The following ARHGAP28 variants were observed in gnomAD, a reference collection of about 807,000 sequenced individuals.
ARHGAP28 encodes rho GTPase-activating protein 28.
In ARHGAP28, 56 loss-of-function variants were observed where a neutral mutation model predicts 90.7. That is an observed-to-expected ratio of 0.62 (90% CI 0.50 to 0.77). The LOEUF (loss-of-function observed/expected upper bound fraction) is 0.77. Ranked by LOEUF, ARHGAP28 falls within the 30% of genes least tolerant of loss-of-function variation. The pLI is 0.00. For synonymous variants in ARHGAP28, 308 were observed against 323.3 expected (o/e 0.95, Z 0.51); for missense variants, 869 against 900.9 (o/e 0.96, Z 0.45).
At chr18:6,835,030 G>C (rs1232867545) in intron 2 of ARHGAP28, among the ~76,000 whole-genome samples, 2 of 152,180 alleles carry the variant, frequency 1.3e-5, no homozygotes, top group Non-Finnish European at 2.9e-5. Flanking sequence ...TCTCTGTGTT[G>C]AAGTTATGTA....
rs575893319 is a variant in ARHGAP28, at chr18:6,905,885, T to G, written c.2031-3075T>G. 1.1e-4 allele frequency among the ~76,000 whole-genome samples: 16 copies of G among 152,120 alleles called. 1 individual carries two copies. The South Asian group carries it at 3.3e-3, about 32-fold the overall frequency. Reference sequence around the variant, plus strand: ...AATTACAAAATGCTGGTGAAAGAAATTAAAGAAGACCTAAAGAAATGGAGA... The same window carrying G: ...AATTACAAAATGCTGGTGAAAGAAAGTAAAGAAGACCTAAAGAAATGGAGA... On this transcript the variant is annotated intron_variant, in intron 16 of 17. Coordinates refer to ENST00000383472, the MANE Select transcript of ARHGAP28 (RefSeq NM_001366230.1).
At chr18:6,868,061 G>T (rs2057051524) in intron 5 of ARHGAP28, 89 bp from the exon 6 acceptor site, 7 of 1,061,590 alleles carry the variant, frequency 6.6e-6, no homozygotes, top group Non-Finnish European at 1.0e-5. Context: ...AATAACTCTT[G>T]TATACTGCAG....
chr18:6,790,837 G>A (rs2056401442), intron 1 of ARHGAP28: 1 of 152,180 alleles, frequency 6.6e-6, no homozygotes, highest in Non-Finnish European at 1.5e-5. Context: ...AGACAGTGTT[G>A]TCACGGAAGC....
chr18:6,881,101 A>G (rs910544760), intron 10 of ARHGAP28, among the ~76,000 whole-genome samples: 2 of 152,202 alleles, frequency 1.3e-5, no homozygotes, highest in South Asian at 2.1e-4. Context: ...GTATCTCTGC[A>G]AGAAACTTGT....
At chr18:6,742,142 G>T (rs887965619) in intron 1 of ARHGAP28, among the ~76,000 whole-genome samples, 1 of 150,980 alleles carries the variant, frequency 6.6e-6, no homozygotes, top group Non-Finnish European at 1.5e-5. Context: ...CACATGACTT[G>T]GTTTTCTTTT....
At chr18:6,906,867 A>G (rs887184311) in intron 16 of ARHGAP28, among the ~76,000 whole-genome samples, 16 of 152,224 alleles carry the variant, frequency 1.1e-4, no homozygotes, top group African/African-American at 3.9e-4. Context: ...AAATATTTGC[A>G]AAACCACATA....
At chr18:6,760,190 G>GAAAACATT (rs1490642505) in intron 1 of ARHGAP28, among the ~76,000 whole-genome samples, 1 of 152,106 alleles carries the variant, frequency 6.6e-6, no homozygotes, top group Non-Finnish European at 1.5e-5. Context: ...GAAACATTGG[G>GAAAACATT]CCACTTTAAA....
intron 1 of ARHGAP28, among the ~76,000 whole-genome samples, chr18:6,760,781 A>C (rs1247308474): frequency 6.6e-6 from 1 of 152,180 alleles, no homozygotes; most frequent in African/African-American, 2.4e-5. Flanking sequence ...AATTCATTGG[A>C]AGGGATTTGT....
chr18:6,825,138 G>A (rs2056653269), intron 2 of ARHGAP28, among the ~76,000 whole-genome samples, 174 bp downstream of exon 2: 1 of 152,104 alleles, frequency 6.6e-6, no homozygotes, highest in Admixed American at 6.6e-5. Flanking sequence ...TACTGGCTCA[G>A]GGTGGCTTTT....
chr18:6,869,222 AAGGGAGCATC>A (rs2057062093), intron 6 of ARHGAP28, among the ~76,000 whole-genome samples: 1 of 150,436 alleles, frequency 6.6e-6, no homozygotes, highest in African/African-American at 2.4e-5. Flanking sequence ...CCTGTATAAC[AAGGGAGCATC>A]ATAGCTCTCC....
chr18:6,733,984 G>A (rs1314665632), intron 1 of ARHGAP28, among the ~76,000 whole-genome samples: 2 of 152,174 alleles, frequency 1.3e-5, no homozygotes, highest in African/African-American at 4.8e-5. Flanking sequence ...TAGATCATGG[G>A]GGATTCCAAC....
intron 1 of ARHGAP28, among the ~76,000 whole-genome samples, chr18:6,735,462 A>G (rs1203893117): frequency 6.6e-6 from 1 of 152,050 alleles, no homozygotes. Context: ...CTTGTCTTTC[A>G]TGACACTTTT....
chr18:6,793,747 G>T (rs1221274635), intron 1 of ARHGAP28, among the ~76,000 whole-genome samples: 1 of 151,884 alleles, frequency 6.6e-6, no homozygotes, highest in East Asian at 1.9e-4. Flanking sequence ...ATTTAGATTT[G>T]TCATTCATTC....
chr18:6,844,578 C>T (rs1337600076), intron 3 of ARHGAP28, among the ~76,000 whole-genome samples: 1 of 152,076 alleles, frequency 6.6e-6, no homozygotes, highest in Non-Finnish European at 1.5e-5. Context: ...TGATTTATTG[C>T]ACAATTAAAT....
intron 1 of ARHGAP28, among the ~76,000 whole-genome samples, chr18:6,777,992 A>G (rs910749250): frequency 2.0e-5 from 3 of 152,182 alleles, no homozygotes; most frequent in Non-Finnish European, 4.4e-5. Context: ...CTTCATCAGT[A>G]TGATTACCAG....
chr18:6,826,838 T>C (rs1457935672), intron 2 of ARHGAP28, among the ~76,000 whole-genome samples: 2 of 152,022 alleles, frequency 1.3e-5, no homozygotes, highest in African/African-American at 4.8e-5. Context: ...CCTGCGGCCT[T>C]CCGCAGTGTT....
chr18:6,823,921 T>C (rs998670364), intron 1 of ARHGAP28, among the ~76,000 whole-genome samples: 3 of 152,106 alleles, frequency 2.0e-5, no homozygotes, highest in Admixed American at 6.5e-5. Context: ...TTTTAATTTT[T>C]TGAGGAACTT....
intron 11 of ARHGAP28, among the ~76,000 whole-genome samples, chr18:6,886,836 G>A (rs2057225335): frequency 6.6e-6 from 1 of 152,130 alleles, no homozygotes; most frequent in South Asian, 2.1e-4. Flanking sequence ...TATTGAGTGA[G>A]CTTCACTTCT....
chr18:6,812,199 A>G (rs558020754), intron 1 of ARHGAP28, among the ~76,000 whole-genome samples: 40 of 152,336 alleles, frequency 2.6e-4, no homozygotes, highest in African/African-American at 9.4e-4. Context: ...TAAGCAGAAT[A>G]TGGGTAATTT....
Sources: gnomAD v4.1 joint callset for allele counts (sites outside exome capture counted in the v4.1 genomes callset) on GRCh38, gnomAD v4.1.1 for gene constraint, MANE v1.5 for transcripts, NCBI Gene and HGNC (gene_info 2026-07-23, HGNC 2026-07-21) for gene names.